CELF2: variants seen among roughly 807,000 people sequenced by gnomAD.
CELF2 encodes CUG triplet repeat RNA-binding protein 2.
A neutral mutation model predicts 62.6 loss-of-function variants in CELF2; 8 were observed. The observed-to-expected ratio is 0.13, with a 90% confidence interval of 0.07 to 0.23. The LOEUF is 0.23. CELF2 is among the 10% of genes least tolerant of loss of function. The probability of loss-of-function intolerance (pLI) is 1.00; values close to 1 mark genes in which losing one functional copy is unlikely to be tolerated. For synonymous variants in CELF2, 258 were observed against 250.0 expected, an observed-to-expected ratio of 1.03 and a Z score of -0.30; for missense variants, 333 against 671.0, an observed-to-expected ratio of 0.50 and a Z score of 5.56.
the CELF2 span, among the ~76,000 whole-genome samples, chr10:10,643,983 A>T: frequency 5.9e-3 from 893 of 152,282 alleles, 9 homozygotes; most frequent in African/African-American, 0.02. Context: ...GGATGTTATC[A>T]CAGCCCTAAG....
the CELF2 span, among the ~76,000 whole-genome samples, chr10:10,501,573 TTTTTAA>T: frequency 2.4e-4 from 37 of 152,306 alleles, no homozygotes; most frequent in African/African-American, 8.4e-4. Context: ...TGATATTGTA[TTTTTAA>T]TTTTAATTTC....
rs2094993177 is a variant in CELF2, at chr10:11,316,495, A to G, written c.1096+2237A>G. Among the ~76,000 whole-genome samples, 1 of 152,208 alleles carries G rather than the reference A, an allele frequency of 6.6e-6. No individual in the cohort carries two copies. Among genetic ancestry groups the G allele is most frequent in the South Asian group, 2.1e-4 (1 of 4,832 alleles). ...TTCTTTCAGACCATTCCTTCTCAAC[A>G]GAGATGATTATGCTACCAGTTCCAC... is the stretch of plus-strand genomic sequence containing the variant. On this transcript the variant is annotated intron_variant, in intron 10 of 12. Coordinates refer to ENST00000633077, the MANE Select transcript of CELF2 (RefSeq NM_001326342.2). The surrounding 1 kb of genome is among the most constrained non-coding windows in gnomAD (Gnocchi z 4.4).
chr10:11,172,333 C>T (rs574664757), intron 2 of CELF2, among the ~76,000 whole-genome samples: 1 of 152,294 alleles, frequency 6.6e-6, no homozygotes, highest in East Asian at 1.9e-4. Context: ...TTCATGCAAG[C>T]GGAGGATCCT....
At chr10:11,239,102 G>A (rs1347310912) in intron 3 of CELF2, among the ~76,000 whole-genome samples, 1 of 152,182 alleles carries the variant, frequency 6.6e-6, no homozygotes, top group Non-Finnish European at 1.5e-5. Flanking sequence ...TGTCAGAAAT[G>A]ATGACTTAAT....
Position 10,894,087 on chromosome 10 carries a change from A to G in CELF2, c.54-25877A>G, listed in dbSNP as rs138134662. 2.3e-3 allele frequency among the ~76,000 whole-genome samples: 349 copies of G among 152,284 alleles called. 1 individual carries two copies. Among genetic ancestry groups the G allele is most frequent in the African/African-American group, 8.0e-3 (332 of 41,556 alleles). On this transcript the variant is annotated intron_variant, in intron 1 of 13. Transcript: ENST00000636488. ...TTACAGACAATTTTAACAACAAAAAAAGTTTTTAACCTGATTCTTATGGGA... is the reference window on the plus strand; with the variant it reads ...TTACAGACAATTTTAACAACAAAAAGAGTTTTTAACCTGATTCTTATGGGA...
At chr10:10,708,233 G>T in the CELF2 span, among the ~76,000 whole-genome samples, 1 of 152,130 alleles carries the variant, frequency 6.6e-6, no homozygotes, top group Non-Finnish European at 1.5e-5. Context: ...GAAACTCAGG[G>T]TCATGTTTAG....
At chr10:10,534,039 C>T in the CELF2 span, among the ~76,000 whole-genome samples, 1 of 151,800 alleles carries the variant, frequency 6.6e-6, no homozygotes, top group African/African-American at 2.4e-5. Context: ...TAAAACATTA[C>T]CCTGTCACAG....
At position 11,085,485 on chromosome 10, in the gene CELF2, CAAT is replaced by C. The variant is rs1329355750; in HGVS notation, c.74+67327_74+67329del. Among the ~76,000 whole-genome samples the C allele has an allele frequency of 4.6e-5, 7 of 152,240 alleles. No homozygotes were observed. The South Asian group carries it at 6.2e-4, about 14-fold the overall frequency. The stretch of plus-strand genomic sequence containing the variant: ...TTGGCAAATTGTTATTTGGCAATAA[CAAT>C]AATAGCTAACATTTACAAAGTTCTC... On this transcript the variant is annotated intron_variant, in intron 1 of 12. Coordinates refer to ENST00000633077, the MANE Select transcript of CELF2 (RefSeq NM_001326342.2).
In CELF2 at chr10:11,165,273, G is replaced by A. The variant is rs1158963450; in HGVS notation, c.75-213G>A. 1.4e-6 allele frequency: 2 copies of A among 1,386,728 alleles called. No individual in the cohort carries two copies. The highest frequency in any genetic ancestry group is 1.6e-5 in the South Asian group (1 of 63,844). 85.9% of individuals were successfully genotyped at this position (1,386,728 alleles called of 1,614,324 possible). On this transcript the variant is annotated intron_variant, in intron 1 of 12. Coordinates refer to ENST00000633077, the MANE Select transcript of CELF2 (RefSeq NM_001326342.2). This position sits in a 1 kb window ranked among gnomAD's most constrained non-coding sequence, Gnocchi z 7.4. ...CGTGCTCCCCCGGCTCTGCTCGACAGCAGCACGCAGTGAGAGCCTCGCCGC... is the reference window on the plus strand; with the variant it reads ...CGTGCTCCCCCGGCTCTGCTCGACAACAGCACGCAGTGAGAGCCTCGCCGC...
At chr10:10,681,374 A>G in the CELF2 span, among the ~76,000 whole-genome samples, 46 of 152,274 alleles carry the variant, frequency 3.0e-4, no homozygotes, top group Admixed American at 2.9e-3. Context: ...GATGAAATCA[A>G]TGACTGCCCA....
chr10:11,064,745 TA>T (rs2067649252), intron 1 of CELF2, among the ~76,000 whole-genome samples: 1 of 152,118 alleles, frequency 6.6e-6, no homozygotes, highest in African/African-American at 2.4e-5. Flanking sequence ...CACATTCAAT[TA>T]GGGGAGACTC....
chr10:10,816,627 A>G (rs2056484427), intron 1 of CELF2, among the ~76,000 whole-genome samples: 1 of 152,234 alleles, frequency 6.6e-6, no homozygotes, highest in Non-Finnish European at 1.5e-5. Flanking sequence ...AGATATGGAA[A>G]ACAAGTCATA....
chr10:10,548,092 A>G, the CELF2 span, among the ~76,000 whole-genome samples: 3 of 152,170 alleles, frequency 2.0e-5, no homozygotes, highest in East Asian at 5.8e-4. Flanking sequence ...ATTATCAGCC[A>G]GGGGCCATTG....
the CELF2 span, among the ~76,000 whole-genome samples, chr10:10,749,452 A>C: frequency 6.6e-6 from 1 of 152,358 alleles, no homozygotes; most frequent in East Asian, 1.9e-4. Context: ...GACAGAAATC[A>C]GCCAACAATG....
intron 1 of CELF2, among the ~76,000 whole-genome samples, chr10:11,121,908 G>C (rs2057830317): frequency 6.6e-6 from 1 of 152,082 alleles, no homozygotes; most frequent in African/African-American, 2.4e-5. Context: ...CTGAGGAAAT[G>C]TACTCCTCAA....
chr10:11,108,319 A>G, intron 1 of CELF2, among the ~76,000 whole-genome samples: 1 of 149,364 alleles, frequency 6.7e-6, no homozygotes. Flanking sequence ...TATAATCTAC[A>G]TGAATGGGAT....
chr10:10,619,325 C>T, the CELF2 span, among the ~76,000 whole-genome samples: 3 of 152,194 alleles, frequency 2.0e-5, no homozygotes, highest in African/African-American at 7.2e-5. Context: ...TTACTACAGG[C>T]ATGTAGTAGG....
At chr10:10,670,502 G>A in the CELF2 span, among the ~76,000 whole-genome samples, 1 of 152,110 alleles carries the variant, frequency 6.6e-6, no homozygotes, top group Non-Finnish European at 1.5e-5. Context: ...ATAGATCCCT[G>A]CCCCCTGCCC....
rs182490147 is a variant in CELF2 at position 10,871,672 on chromosome 10, A to C, written c.54-48292A>C. Reference sequence around the variant, plus strand: ...AGAAATCCCAATTCAGGCATTTCGAAAGACTTCTAGGAAGGACTTTTGGGA... The same window carrying C: ...AGAAATCCCAATTCAGGCATTTCGACAGACTTCTAGGAAGGACTTTTGGGA... On this transcript the variant is annotated intron_variant, in intron 1 of 13. Transcript: ENST00000636488. Among the ~76,000 whole-genome samples the C allele has an allele frequency of 2.0e-3, 303 of 152,256 alleles. 1 individual carries two copies. The highest frequency in any genetic ancestry group is 3.6e-3 in the Non-Finnish European group (247 of 68,004).
Sources: gnomAD v4.1 joint callset for allele counts (sites outside exome capture counted in the v4.1 genomes callset) on GRCh38, gnomAD v4.1.1 for gene constraint, Gnocchi (gnomAD v3.1) non-coding constraint, MANE v1.5 for transcripts, NCBI Gene and HGNC (gene_info 2026-07-23, HGNC 2026-07-21) for gene names.